FRMD4A: variants seen among roughly 807,000 people sequenced by gnomAD.
The protein encoded by FRMD4A is FERM domain containing 4A.
A neutral mutation model predicts 129.1 loss-of-function variants in FRMD4A; 29 were observed. That is an observed-to-expected ratio of 0.22 (90% CI 0.17 to 0.31). FRMD4A has a LOEUF of 0.31. FRMD4A is among the 10% of genes least tolerant of loss of function. The pLI, the probability that FRMD4A is intolerant of heterozygous loss-of-function variation, is 1.00. For synonymous variants in FRMD4A, 634 were observed against 571.6 expected (o/e 1.11, Z -1.56); for missense variants, 1,272 against 1,375.8 (o/e 0.92, Z 1.19).
At chr10:14,281,994 C>CT (rs1236350586) in intron 2 of FRMD4A, among the ~76,000 whole-genome samples, 1 of 152,076 alleles carries the variant, frequency 6.6e-6, no homozygotes, top group Admixed American at 6.6e-5. Flanking sequence ...TTACACGTGG[C>CT]GGGGGAGGCC....
At chr10:14,043,631 C>CT (rs1350124587) in intron 2 of FRMD4A, among the ~76,000 whole-genome samples, 9 of 152,236 alleles carry the variant, frequency 5.9e-5, no homozygotes, top group African/African-American at 2.2e-4. Flanking sequence ...AGCACCTGCT[C>CT]TAACTTCTGT....
intron 2 of FRMD4A, among the ~76,000 whole-genome samples, chr10:14,325,867 C>G (rs1003641434): frequency 6.6e-6 from 1 of 152,184 alleles, no homozygotes; most frequent in Non-Finnish European, 1.5e-5. Flanking sequence ...ATCTATTAAA[C>G]ATAGACAAGG....
At chr10:13,956,270 C>T (rs12249779) in intron 2 of FRMD4A, among the ~76,000 whole-genome samples, 2,963 of 152,204 alleles carry the variant, frequency 0.019, 110 homozygotes, top group African/African-American at 0.068. Flanking sequence ...CTCGTGCCTC[C>T]GCCTCCTGGG....
chr10:14,224,577 T>TAA (rs1843373475), intron 2 of FRMD4A, among the ~76,000 whole-genome samples: 4 of 152,230 alleles, frequency 2.6e-5, no homozygotes, highest in Non-Finnish European at 5.9e-5. Flanking sequence ...AATTTTGATT[T>TAA]TTTTTTTCTG....
At chr10:14,223,845 TC>T (rs1269573015) in intron 2 of FRMD4A, among the ~76,000 whole-genome samples, 1 of 150,658 alleles carries the variant, frequency 6.6e-6, no homozygotes, top group Non-Finnish European at 1.5e-5. Flanking sequence ...ACCCCACATC[TC>T]CCTGTCGTTG....
intron 15 of FRMD4A, among the ~76,000 whole-genome samples, chr10:13,678,840 G>A (rs561074504): frequency 6.6e-6 from 1 of 152,260 alleles, no homozygotes; most frequent in South Asian, 2.1e-4. Context: ...TACATATAAT[G>A]TATGGTAATC....
intron 2 of FRMD4A, among the ~76,000 whole-genome samples, chr10:14,232,776 A>G (rs1843680212): frequency 6.6e-6 from 1 of 152,208 alleles, no homozygotes; most frequent in Non-Finnish European, 1.5e-5. Context: ...CAGATTTTGA[A>G]TCCTGAAACT....
intron 5 of FRMD4A, among the ~76,000 whole-genome samples, chr10:13,794,154 G>A (rs901039171): frequency 1.3e-5 from 2 of 152,122 alleles, no homozygotes; most frequent in African/African-American, 4.8e-5. Context: ...TAGGTTGGGA[G>A]GCCGAGGCGG....
intron 8 of FRMD4A, among the ~76,000 whole-genome samples, chr10:13,757,404 A>G (rs1433038901): frequency 6.6e-6 from 1 of 152,252 alleles, no homozygotes; most frequent in Non-Finnish European, 1.5e-5. Context: ...AGTATCGTAC[A>G]AATTTGTCCT....
chr10:13,823,771 T>A (rs2093662179), intron 3 of FRMD4A, among the ~76,000 whole-genome samples: 1 of 152,172 alleles, frequency 6.6e-6, no homozygotes, highest in Admixed American at 6.6e-5. Flanking sequence ...CGGGGCCAAA[T>A]GACACCAGGA....
At chr10:13,651,418 T>C (rs1354855269) in intron 24 of FRMD4A, 1 of 154,406 alleles carries the variant, frequency 6.5e-6, no homozygotes, top group African/African-American at 2.4e-5. Flanking sequence ...TGAATGTAGA[T>C]AGAACATGGT....
chr10:13,959,474 A>T (rs1345110575), intron 2 of FRMD4A, among the ~76,000 whole-genome samples: 1 of 8,648 alleles, frequency 1.2e-4, no homozygotes, highest in Non-Finnish European at 1.6e-4. Context: ...TGTTTCATAA[A>T]AAAAAAAAAA....
intron 11 of FRMD4A, among the ~76,000 whole-genome samples, chr10:13,738,136 C>T (rs929397921): frequency 3.9e-5 from 6 of 152,082 alleles, no homozygotes; most frequent in Non-Finnish European, 7.4e-5. Flanking sequence ...TGGGGAGTGC[C>T]GGGGGCTGGG....
rs7909122 is a variant in FRMD4A at position 13,845,369 on chromosome 10, T to A, written c.111+13478A>T. ...TCTGGAAGGTTGGGCAGTTAAGACA[T>A]TTTTTGATGGACTGTCAACCCATCA... On this transcript the variant is annotated intron_variant, in intron 3 of 24. Coordinates refer to ENST00000357447, the MANE Select transcript of FRMD4A (RefSeq NM_018027.5). 3.9e-5 allele frequency among the ~76,000 whole-genome samples: 6 copies of A among 152,184 alleles called. No homozygotes were observed. In the East Asian group the frequency reaches 1.2e-3, roughly 29 times the overall value.
At chr10:14,304,863 A>G (rs1348744824) in intron 2 of FRMD4A, among the ~76,000 whole-genome samples, 1 of 152,166 alleles carries the variant, frequency 6.6e-6, no homozygotes, top group Non-Finnish European at 1.5e-5. Flanking sequence ...TCCCGGCTGC[A>G]TCTCCCTTGA....
intron 9 of FRMD4A, among the ~76,000 whole-genome samples, chr10:13,745,703 T>G (rs1433420971): frequency 6.6e-6 from 1 of 151,998 alleles, no homozygotes; most frequent in African/African-American, 2.4e-5. Flanking sequence ...GTTCTAAGGT[T>G]TGGAAAGGAA....
chr10:13,770,179 C>T (rs902528724), intron 6 of FRMD4A, among the ~76,000 whole-genome samples: 11 of 152,114 alleles, frequency 7.2e-5, no homozygotes, highest in African/African-American at 2.4e-4. Flanking sequence ...AATTTGCCCC[C>T]GGGGCAAACA....
At chr10:14,199,160 T>C (rs1842557122) in intron 2 of FRMD4A, among the ~76,000 whole-genome samples, 2 of 152,102 alleles carry the variant, frequency 1.3e-5, no homozygotes, top group Non-Finnish European at 2.9e-5. Flanking sequence ...AAAATTTTTA[T>C]GTTGTTTCCA....
intron 2 of FRMD4A, among the ~76,000 whole-genome samples, chr10:14,166,602 C>T (rs1373225434): frequency 6.6e-6 from 1 of 152,198 alleles, no homozygotes; most frequent in Non-Finnish European, 1.5e-5. Context: ...ATGTTCACCT[C>T]CAGTTATGGT....
Sources: allele counts gnomAD v4.1 joint callset (sites outside exome capture counted in the v4.1 genomes callset), GRCh38; gene constraint gnomAD v4.1.1; transcripts MANE v1.5; gene names NCBI Gene and HGNC (gene_info 2026-07-23, HGNC 2026-07-21).